ARMC2: variants seen among roughly 807,000 people sequenced by gnomAD.
ARMC2 encodes the protein armadillo repeat-containing protein 2.
Under a neutral mutation model 90.3 loss-of-function variants are expected in ARMC2, and 67 were observed. That is an observed-to-expected ratio of 0.74 (90% CI 0.61 to 0.91). The LOEUF is 0.91. ARMC2 is among the 40% of genes least tolerant of loss of function. The pLI, the probability that ARMC2 is intolerant of heterozygous loss-of-function variation, is 0.00. For synonymous variants in ARMC2, 393 were observed against 393.0 expected (o/e 1.00, Z 0.00); for missense variants, 920 against 1,030.9 (o/e 0.89, Z 1.47).
At chr6:108,942,343 T>C (rs899048024) in intron 12 of ARMC2, among the ~76,000 whole-genome samples, 70 of 152,212 alleles carry the variant, frequency 4.6e-4, no homozygotes, top group African/African-American at 1.7e-3. Context: ...AATTTTCACA[T>C]GGGTGGGCTG....
At chr6:108,961,792 T>C in intron 14 of ARMC2, 98 bp downstream of exon 14, 1 of 1,366,056 alleles carries the variant, frequency 7.3e-7, no homozygotes, top group South Asian at 1.4e-5. Context: ...TCTTCTGCCT[T>C]CTGGTACAGA....
chr6:108,969,875 T>C (rs1778639438), intron 17 of ARMC2, among the ~76,000 whole-genome samples: 1 of 152,118 alleles, frequency 6.6e-6, no homozygotes. Flanking sequence ...GACCCATCTC[T>C]ACTAAAAGTG....
chr6:108,994,698 C>CA, the ARMC2 span: 24 of 293,018 alleles, frequency 8.2e-5, no homozygotes, highest in Non-Finnish European at 1.3e-4. Flanking sequence ...GAATTTATAT[C>CA]TTTTTTTTTT....
intron 5 of ARMC2, among the ~76,000 whole-genome samples, chr6:108,887,205 C>A (rs1201072975): frequency 6.6e-6 from 1 of 152,100 alleles, no homozygotes; most frequent in African/African-American, 2.4e-5. Flanking sequence ...AGCCACCATG[C>A]CTGGCTAATT....
the ARMC2 span, chr6:109,000,218 G>T: frequency 4.0e-6 from 1 of 250,512 alleles, no homozygotes; most frequent in Non-Finnish European, 7.5e-6. Flanking sequence ...ATATTGTAAT[G>T]GATGCGTGAC....
At chr6:108,921,227 C>A (rs1167472632) in intron 10 of ARMC2, among the ~76,000 whole-genome samples, 1 of 152,088 alleles carries the variant, frequency 6.6e-6, no homozygotes, top group South Asian at 2.1e-4. Flanking sequence ...ACATACATAG[C>A]CACAACTAGA....
chr6:108,990,156 T>C, the ARMC2 span, among the ~76,000 whole-genome samples: 10 of 152,222 alleles, frequency 6.6e-5, no homozygotes, highest in African/African-American at 2.4e-4. Context: ...CAATGTAACA[T>C]AGTAACATGG....
At chr6:108,867,885 G>A (rs956955575) in intron 3 of ARMC2, among the ~76,000 whole-genome samples, 10 of 152,092 alleles carry the variant, frequency 6.6e-5, no homozygotes, top group Admixed American at 3.3e-4. Context: ...AGTGAGCCGA[G>A]ATCGCACCAT....
chr6:108,906,407 T>C (rs566448415), intron 8 of ARMC2, among the ~76,000 whole-genome samples: 2 of 152,252 alleles, frequency 1.3e-5, no homozygotes, highest in East Asian at 3.9e-4. Flanking sequence ...TTACTTTAAA[T>C]AGAATAAACT....
At chr6:108,863,949 A>G (rs1042415494) in intron 3 of ARMC2, among the ~76,000 whole-genome samples, 2 of 152,248 alleles carry the variant, frequency 1.3e-5, no homozygotes, top group Non-Finnish European at 2.9e-5. Flanking sequence ...AGTTTGAGCC[A>G]CATAACTGAG....
chr6:108,879,399 A>G (rs1022710897), intron 5 of ARMC2, among the ~76,000 whole-genome samples: 2 of 136,184 alleles, frequency 1.5e-5, no homozygotes, highest in African/African-American at 5.7e-5. Context: ...ATCCATCCAT[A>G]TACCCATCTA....
intron 17 of ARMC2, among the ~76,000 whole-genome samples, chr6:108,972,865 AC>A (rs1166400184): frequency 6.8e-6 from 1 of 148,056 alleles, no homozygotes; most frequent in Admixed American, 6.8e-5. Flanking sequence ...CTGAGCTGTC[AC>A]TGTGTTGCCC....
intron 8 of ARMC2, chr6:108,907,605 C>T: frequency 1.9e-6 from 3 of 1,562,022 alleles, no homozygotes; most frequent in Non-Finnish European, 2.6e-6. Flanking sequence ...AGAGCGTGTC[C>T]TCTTCAGTGG....
At chr6:108,872,717 A>G (rs1164728521) in intron 4 of ARMC2, among the ~76,000 whole-genome samples, 1 of 152,192 alleles carries the variant, frequency 6.6e-6, no homozygotes, top group Non-Finnish European at 1.5e-5. Context: ...CGGGAAGCAA[A>G]TAAAGATCAG....
chr6:108,892,759 CAA>C (rs55747245), intron 5 of ARMC2, among the ~76,000 whole-genome samples: 8 of 89,688 alleles, frequency 8.9e-5, no homozygotes, highest in East Asian at 2.9e-4. Flanking sequence ...AACTCCATCT[CAA>C]AAAAAAAAAA....
At chr6:108,872,625 T>C (rs1776538752) in intron 4 of ARMC2, among the ~76,000 whole-genome samples, 1 of 152,192 alleles carries the variant, frequency 6.6e-6, no homozygotes, top group African/African-American at 2.4e-5. Flanking sequence ...ACGACATGGC[T>C]GTGAGCAGCA....
At chr6:109,009,669 G>T in the ARMC2 span, 1 of 560,862 alleles carries the variant, frequency 1.8e-6, no homozygotes, top group Non-Finnish European at 2.3e-6. Context: ...GCAAAGCACC[G>T]CCCCTCCGGC....
the ARMC2 span, among the ~76,000 whole-genome samples, chr6:108,985,195 T>C: frequency 1.3e-5 from 2 of 152,212 alleles, no homozygotes. Context: ...ACTTATCTAC[T>C]TATCTCCTGG....
chr6:109,003,300 C>T, the ARMC2 span, among the ~76,000 whole-genome samples: 1 of 150,444 alleles, frequency 6.6e-6, no homozygotes, highest in African/African-American at 2.4e-5. Flanking sequence ...TAATTCTACT[C>T]TCTCCTTACT....
Sources: gnomAD v4.1 joint callset for allele counts (sites outside exome capture counted in the v4.1 genomes callset) on GRCh38, gnomAD v4.1.1 for gene constraint, MANE v1.5 for transcripts, NCBI Gene and HGNC (gene_info 2026-07-23, HGNC 2026-07-21) for gene names.